SIPA1L1: variants seen among roughly 807,000 people sequenced by gnomAD.
The protein encoded by SIPA1L1 is signal induced proliferation associated 1 like 1, also known as signal-induced proliferation-associated 1-like protein 1.
A neutral mutation model predicts 162.7 loss-of-function variants in SIPA1L1; 26 were observed. That is an observed-to-expected ratio of 0.16 (90% CI 0.12 to 0.22). The LOEUF (loss-of-function observed/expected upper bound fraction) is 0.22. Among genes scored for constraint, SIPA1L1 ranks in the 10% least tolerant of loss-of-function variants. SIPA1L1 has a pLI of 1.00. For synonymous variants in SIPA1L1, 829 were observed against 837.4 expected, an observed-to-expected ratio of 0.99 and a Z score of 0.17; for missense variants, 1,874 against 2,241.0, an observed-to-expected ratio of 0.84 and a Z score of 3.31.
Position 71,609,126 on chromosome 14 carries a change from T to C in SIPA1L1, c.1499-9631T>C, listed in dbSNP as rs564343886. Among the ~76,000 whole-genome samples, 30 of 152,294 alleles carry C rather than the reference T, an allele frequency of 2.0e-4. No individual in the cohort carries two copies. In the South Asian group the frequency reaches 6.0e-3, roughly 30 times the overall value. ...CTATATTGGGCCATGCCATCTCTTA[T>C]TTAAAGTTTTTCAGCTGTTTTTTCC... On this transcript the variant is annotated intron_variant, in intron 5 of 23. Coordinates refer to ENST00000381232, the MANE Select transcript of SIPA1L1 (RefSeq NM_001386936.1).
chr14:71,457,066 T>G (rs1326871817), intron 2 of SIPA1L1, among the ~76,000 whole-genome samples: 1 of 150,988 alleles, frequency 6.6e-6, no homozygotes, highest in East Asian at 2.0e-4. Flanking sequence ...ACAGTAAATA[T>G]CTTTTAAATG....
intron 12 of SIPA1L1, among the ~76,000 whole-genome samples, chr14:71,676,749 A>T (rs1041623214): frequency 6.6e-6 from 1 of 151,090 alleles, no homozygotes; most frequent in Non-Finnish European, 1.5e-5. Context: ...TCCTTGTGAT[A>T]GTTTGCTGAG....
chr14:71,656,992 G>A (rs1202169357), intron 8 of SIPA1L1, among the ~76,000 whole-genome samples: 1 of 152,224 alleles, frequency 6.6e-6, no homozygotes, highest in Non-Finnish European at 1.5e-5. Flanking sequence ...CTTTTGGTAT[G>A]TGTCAGAGAC....
At chr14:71,544,901 A>G (rs749830243) in intron 4 of SIPA1L1, among the ~76,000 whole-genome samples, 39 of 152,006 alleles carry the variant, frequency 2.6e-4, no homozygotes, top group Non-Finnish European at 3.4e-4. Flanking sequence ...TTAAATTTTT[A>G]TTTTTTAGAG....
chr14:71,481,164 GT>G (rs1419282794), intron 2 of SIPA1L1, among the ~76,000 whole-genome samples: 1 of 152,138 alleles, frequency 6.6e-6, no homozygotes, highest in South Asian at 2.1e-4. Flanking sequence ...CCTTGCATAA[GT>G]TCAGGCGAAT....
intron 3 of SIPA1L1, among the ~76,000 whole-genome samples, chr14:71,520,721 T>C (rs2052248863): frequency 6.6e-6 from 1 of 152,126 alleles, no homozygotes; most frequent in South Asian, 2.1e-4. Context: ...TATTCCGTTA[T>C]ATGGAACTCC....
At chr14:71,327,553 G>A (rs996578583) in intron 2 of SIPA1L1, among the ~76,000 whole-genome samples, 3 of 152,100 alleles carry the variant, frequency 2.0e-5, no homozygotes, top group African/African-American at 7.2e-5. Flanking sequence ...AAATTAATAG[G>A]ATGTCCTAAA....
At chr14:71,406,991 C>G (rs887872172) in intron 2 of SIPA1L1, among the ~76,000 whole-genome samples, 1 of 152,126 alleles carries the variant, frequency 6.6e-6, no homozygotes, top group Non-Finnish European at 1.5e-5. Flanking sequence ...CCTGTAATCC[C>G]AACACTTTGG....
At chr14:71,464,381 G>A (rs937335394) in intron 2 of SIPA1L1, among the ~76,000 whole-genome samples, 3 of 152,156 alleles carry the variant, frequency 2.0e-5, no homozygotes, top group African/African-American at 7.2e-5. Context: ...GGCAGCTCAC[G>A]CCTGTAATCC....
intron 2 of SIPA1L1, among the ~76,000 whole-genome samples, chr14:71,464,184 C>T (rs1402802339): frequency 6.6e-6 from 1 of 152,204 alleles, no homozygotes; most frequent in Non-Finnish European, 1.5e-5. Context: ...ATCCACTCCA[C>T]CACCCCAATC....
intron 19 of SIPA1L1, among the ~76,000 whole-genome samples, chr14:71,727,982 C>T (rs899849426): frequency 1.3e-5 from 2 of 152,206 alleles, no homozygotes; most frequent in Non-Finnish European, 2.9e-5. Flanking sequence ...AGAAGCTCTT[C>T]AAGGTAGCTG....
intron 4 of SIPA1L1, among the ~76,000 whole-genome samples, chr14:71,573,142 A>G (rs554031111): frequency 2.0e-5 from 3 of 152,376 alleles, no homozygotes; most frequent in Admixed American, 1.3e-4. Context: ...GGAGTCAAGC[A>G]GTATCGGTTT....
chr14:71,427,983 G>A (rs943601661), intron 2 of SIPA1L1, among the ~76,000 whole-genome samples: 4 of 151,518 alleles, frequency 2.6e-5, no homozygotes, highest in African/African-American at 9.7e-5. Context: ...GTTGAAAACT[G>A]GACACTTTAT....
intron 5 of SIPA1L1, among the ~76,000 whole-genome samples, chr14:71,609,558 C>T (rs927383364): frequency 6.6e-6 from 1 of 151,996 alleles, no homozygotes; most frequent in Non-Finnish European, 1.5e-5. Flanking sequence ...CCTCCGCCTC[C>T]TGGGTTCAAG....
rs748640309 is a variant in SIPA1L1, at chr14:71,724,806, C to A, written c.4585C>A (p.Pro1529Thr). The change falls in exon 19 of 24, where the codon CCA (proline) becomes ACA (threonine). Residue 1529 changes from proline (P) to threonine (T), a missense_variant. This residue lies in a region of SIPA1L1 where 936 missense variants were observed against 1,051.9 expected (regional missense o/e 0.89). Coordinates refer to ENST00000381232, the MANE Select transcript of SIPA1L1 (RefSeq NM_001386936.1). ...DLKKLIDLES[P>T]TPESQKSFKF... Reference sequence around the variant, plus strand: ...AAAGAAACTAATTGATCTTGAAAGCCCAACTCCTGAATCACAGAAGAGTTT... The same window carrying A: ...AAAGAAACTAATTGATCTTGAAAGCACAACTCCTGAATCACAGAAGAGTTT... The A allele has an allele frequency of 2.5e-6, 4 of 1,613,996 alleles. No individual in the cohort carries two copies. The South Asian group carries it at 3.3e-5, about 13-fold the overall frequency.
intron 14 of SIPA1L1, 139 bp from the exon 15 acceptor site, chr14:71,702,242 G>T: frequency 1.3e-6 from 1 of 795,382 alleles, no homozygotes; most frequent in South Asian, 1.7e-5. Flanking sequence ...CACGAACCAG[G>T]GTGTGTATAC....
chr14:71,539,042 A>G (rs1240919174), intron 4 of SIPA1L1, among the ~76,000 whole-genome samples: 1 of 152,164 alleles, frequency 6.6e-6, no homozygotes, highest in Non-Finnish European at 1.5e-5. Context: ...ACAAGGGAAG[A>G]TGCACTCATT....
chr14:71,559,957 T>TA (rs2056654235), intron 4 of SIPA1L1, among the ~76,000 whole-genome samples: 2 of 152,096 alleles, frequency 1.3e-5, no homozygotes, highest in Non-Finnish European at 2.9e-5. Flanking sequence ...ACACACTAAA[T>TA]TTATGCTCCA....
In SIPA1L1 at chr14:71,719,834, G is replaced by A. The variant is rs898675575; in HGVS notation, c.4209-3813G>A. On this transcript the variant is annotated intron_variant, in intron 17 of 23. Coordinates refer to ENST00000381232, the MANE Select transcript of SIPA1L1 (RefSeq NM_001386936.1). ...ATATCAAAATAGCTTCAAATTTACC[G>A]AAAAGTTGCAAAGATAGAGTTCCCA... 6.6e-5 allele frequency among the ~76,000 whole-genome samples: 10 copies of A among 152,236 alleles called. No homozygotes were observed. In the East Asian group the frequency reaches 1.2e-3, roughly 18 times the overall value.
Sources: allele counts gnomAD v4.1 joint callset (sites outside exome capture counted in the v4.1 genomes callset), GRCh38; gene constraint gnomAD v4.1.1; regional missense constraint gnomAD v4.1.1; transcripts MANE v1.5; gene names NCBI Gene and HGNC (gene_info 2026-07-23, HGNC 2026-07-21).